NELL1: variants seen among roughly 807,000 people sequenced by gnomAD.
NELL1 encodes neural EGFL like 1, also known as protein kinase C-binding protein NELL1.
Under a neutral mutation model 107.4 loss-of-function variants are expected in NELL1, and 76 were observed. That is an observed-to-expected ratio of 0.71 (90% CI 0.59 to 0.86). The LOEUF (loss-of-function observed/expected upper bound fraction) is 0.86. Among genes scored for constraint, NELL1 ranks in the 40% least tolerant of loss-of-function variants. The pLI is 0.00. For synonymous variants in NELL1, 353 were observed against 341.2 expected, an observed-to-expected ratio of 1.03 and a Z score of -0.38; for missense variants, 1,024 against 1,005.5, an observed-to-expected ratio of 1.02 and a Z score of -0.25.
In NELL1 at chr11:21,060,903, T is replaced by G. The variant is rs973172830; in HGVS notation, c.1301-52686T>G. ...GGTGTGCACCACTATGCCTGGCTAA[T>G]TTTTATATTTTTTAGTAGAGATGGG... On this transcript the variant is annotated intron_variant, in intron 12 of 19. Coordinates refer to ENST00000357134, the MANE Select transcript of NELL1 (RefSeq NM_006157.5). Among the ~76,000 whole-genome samples the G allele has an allele frequency of 2.6e-5, 4 of 152,196 alleles. No individual in the cohort carries two copies. The South Asian group carries it at 6.2e-4, about 24-fold the overall frequency.
chr11:21,286,550 T>G (rs191547234), intron 14 of NELL1, among the ~76,000 whole-genome samples: 72 of 152,364 alleles, frequency 4.7e-4, no homozygotes, highest in Non-Finnish European at 8.8e-4. Flanking sequence ...TTTTTTATGA[T>G]GACAAGGATT....
At chr11:21,210,388 C>A (rs1343264495) in intron 13 of NELL1, among the ~76,000 whole-genome samples, 1 of 152,100 alleles carries the variant, frequency 6.6e-6, no homozygotes, top group Non-Finnish European at 1.5e-5. Flanking sequence ...TTCTTGCCAA[C>A]TTATTGTTAT....
chr11:21,426,398 T>C (rs937023067), intron 15 of NELL1, among the ~76,000 whole-genome samples: 3 of 152,214 alleles, frequency 2.0e-5, no homozygotes, highest in African/African-American at 7.2e-5. Flanking sequence ...AATGAATGAA[T>C]GCATAATCAT....
intron 12 of NELL1, among the ~76,000 whole-genome samples, chr11:20,976,387 C>A (rs183319729): frequency 6.6e-6 from 1 of 152,092 alleles, no homozygotes; most frequent in East Asian, 1.9e-4. Context: ...CATTTGATAT[C>A]TAGATCCCAA....
At chr11:21,001,408 AGGGGAAGACC>A (rs1183201916) in intron 12 of NELL1, among the ~76,000 whole-genome samples, 2 of 151,294 alleles carry the variant, frequency 1.3e-5, no homozygotes, top group Non-Finnish European at 1.5e-5. Flanking sequence ...TCCCAGAGCT[AGGGGAAGACC>A]GTTCACTGAT....
At chr11:21,314,767 G>C (rs75064128) in intron 14 of NELL1, among the ~76,000 whole-genome samples, 466 of 152,244 alleles carry the variant, frequency 3.1e-3, no homozygotes, top group African/African-American at 0.011. Context: ...CCATTGAAGT[G>C]GTTAAGGTGA....
intron 15 of NELL1, among the ~76,000 whole-genome samples, chr11:21,488,719 C>CA (rs1162474509): frequency 2.0e-5 from 3 of 151,908 alleles, no homozygotes; most frequent in Non-Finnish European, 4.4e-5. Flanking sequence ...AGATGGAAAT[C>CA]AAAAAATGCC....
intron 15 of NELL1, among the ~76,000 whole-genome samples, chr11:21,517,975 T>A (rs886144220): frequency 7.2e-5 from 11 of 152,054 alleles, no homozygotes; most frequent in Admixed American, 5.2e-4. Flanking sequence ...GTGAGCAGCA[T>A]GAGTTCTGTA....
intron 13 of NELL1, among the ~76,000 whole-genome samples, chr11:21,158,602 C>T (rs535758234): frequency 1.3e-5 from 2 of 152,248 alleles, no homozygotes; most frequent in South Asian, 4.2e-4. Flanking sequence ...CTTGTGAAGT[C>T]TTAGAGTCTC....
In NELL1 at chr11:21,528,511, A is replaced by ACC. The variant is rs1554929481; in HGVS notation, c.1646-5853_1646-5852dup. Among the ~76,000 whole-genome samples, 342 of 46,220 alleles carry ACC rather than the reference A, an allele frequency of 7.4e-3. 5 individuals are homozygous for ACC. The highest frequency in any genetic ancestry group is 0.058 in the South Asian group (60 of 1,030). 30.3% of individuals were successfully genotyped at this position (46,220 alleles called of 152,430 possible). ...CCATGTGATCTCTTTGCACATACCC[A>ACC]CCCCCCCCCCCTTTTTTTTTTTCCA... On this transcript the variant is annotated intron_variant, in intron 15 of 19. Transcript: ENST00000357134.
intron 3 of NELL1, among the ~76,000 whole-genome samples, chr11:20,788,581 G>T (rs866896413): frequency 4.1e-4 from 63 of 152,080 alleles, no homozygotes; most frequent in African/African-American, 1.4e-3. Flanking sequence ...TAATAATCAT[G>T]TATGTTTTAG....
At chr11:21,301,487 G>A (rs1849491137) in intron 14 of NELL1, among the ~76,000 whole-genome samples, 1 of 152,120 alleles carries the variant, frequency 6.6e-6, no homozygotes, top group Admixed American at 6.6e-5. Flanking sequence ...TCATTTCTCT[G>A]ATGACCAGTG....
At chr11:20,947,942 A>G (rs2134199204) in intron 11 of NELL1, among the ~76,000 whole-genome samples, 1 of 152,300 alleles carries the variant, frequency 6.6e-6, no homozygotes, top group Non-Finnish European at 1.5e-5. Flanking sequence ...TCAGATAAAT[A>G]ACACTTGGTT....
intron 13 of NELL1, among the ~76,000 whole-genome samples, chr11:21,197,751 G>A (rs1251338379): frequency 6.6e-6 from 1 of 152,150 alleles, no homozygotes; most frequent in African/African-American, 2.4e-5. Flanking sequence ...AACGATGGGA[G>A]ACTGTCTCAG....
At chr11:21,290,556 A>G (rs1223123427) in intron 14 of NELL1, among the ~76,000 whole-genome samples, 1 of 152,110 alleles carries the variant, frequency 6.6e-6, no homozygotes, top group African/African-American at 2.4e-5. Context: ...TGGGAGACAC[A>G]TCCCAGGAGG....
chr11:21,517,719 C>T (rs1264366417), intron 15 of NELL1, among the ~76,000 whole-genome samples: 5 of 152,122 alleles, frequency 3.3e-5, no homozygotes, highest in African/African-American at 1.2e-4. Flanking sequence ...AAGGGATATA[C>T]AGCAAATGGT....
At chr11:20,855,039 C>T (rs970578783) in intron 4 of NELL1, among the ~76,000 whole-genome samples, 3 of 152,220 alleles carry the variant, frequency 2.0e-5, no homozygotes. Context: ...ACTTAGCCCC[C>T]ACATTTCTAC....
intron 12 of NELL1, among the ~76,000 whole-genome samples, chr11:21,048,935 A>G (rs945978002): frequency 2.6e-5 from 4 of 152,156 alleles, no homozygotes; most frequent in African/African-American, 9.6e-5. Context: ...GGAGACTAGC[A>G]TGCAGGAATT....
At chr11:20,795,209 A>G (rs987524792) in intron 3 of NELL1, among the ~76,000 whole-genome samples, 1 of 152,226 alleles carries the variant, frequency 6.6e-6, no homozygotes. Context: ...GCAAAGCAGT[A>G]TCTGGAAACT....
Sources: gnomAD v4.1 joint callset for allele counts (sites outside exome capture counted in the v4.1 genomes callset) on GRCh38, gnomAD v4.1.1 for gene constraint, MANE v1.5 for transcripts, NCBI Gene and HGNC (gene_info 2026-07-23, HGNC 2026-07-21) for gene names.